The following NUBPL variants were observed in gnomAD, a reference collection of about 807,000 sequenced individuals.
The protein encoded by NUBPL is NUBP iron-sulfur cluster assembly factor, mitochondrial, also known as iron-sulfur cluster transfer protein NUBPL.
A neutral mutation model predicts 45.7 loss-of-function variants in NUBPL; 31 were observed. That is an observed-to-expected ratio of 0.68 (90% CI 0.51 to 0.92). The LOEUF is 0.92. Ranked by LOEUF, NUBPL falls within the 40% of genes least tolerant of loss-of-function variation. NUBPL has a pLI of 0.00. For synonymous variants in NUBPL, 144 were observed against 140.9 expected, an observed-to-expected ratio of 1.02 and a Z score of -0.15; for missense variants, 401 against 398.7, an observed-to-expected ratio of 1.01 and a Z score of -0.05.
At position 31,860,302 on chromosome 14, in the gene NUBPL, C is replaced by CAAAAAAAAAA. The variant is rs34847511; in HGVS notation, c.*1138_*1147dup. The CAAAAAAAAAA allele has an allele frequency of 1.3e-5, 1 of 75,498 alleles. No homozygotes were observed. Among genetic ancestry groups the CAAAAAAAAAA allele is most frequent in the Non-Finnish European group, 2.4e-5 (1 of 40,896 alleles). The allele number at this position is 75,498 out of a possible 1,614,324, so 4.7% of individuals were successfully genotyped here. The stretch of plus-strand genomic sequence containing the variant: ...TGGTCAATGGAGTGCGACTCCATCT[C>CAAAAAAAAAA]AAAAAAAAAAAAAAAAAAAAAAAAA... On this transcript the variant is annotated 3_prime_UTR_variant, in exon 11 of 11. Transcript: ENST00000281081.
intron 4 of NUBPL, among the ~76,000 whole-genome samples, chr14:31,601,388 C>G (rs1180868378): frequency 2.6e-5 from 4 of 152,166 alleles, no homozygotes; most frequent in African/African-American, 9.7e-5. Context: ...TACCCATGAG[C>G]ACGGAATGTT....
chr14:31,590,868 CTTTTA>C (rs1040351976), intron 3 of NUBPL, among the ~76,000 whole-genome samples: 1 of 152,022 alleles, frequency 6.6e-6, no homozygotes, highest in African/African-American at 2.4e-5. Flanking sequence ...GCATTAAAAT[CTTTTA>C]TTTTATTTTT....
intron 7 of NUBPL, among the ~76,000 whole-genome samples, chr14:31,811,947 A>G (rs1478416772): frequency 6.6e-6 from 1 of 152,212 alleles, no homozygotes; most frequent in Non-Finnish European, 1.5e-5. Flanking sequence ...TTTCACCAGC[A>G]GAGGCTGCAG....
At chr14:31,617,485 A>AGG (rs1255960788) in intron 4 of NUBPL, among the ~76,000 whole-genome samples, 1 of 152,186 alleles carries the variant, frequency 6.6e-6, no homozygotes, top group East Asian at 1.9e-4. Context: ...TTTAGCAGGA[A>AGG]GGGGTGTTGA....
At chr14:31,649,934 A>T (rs1595435336) in intron 4 of NUBPL, among the ~76,000 whole-genome samples, 1 of 152,090 alleles carries the variant, frequency 6.6e-6, no homozygotes, top group Non-Finnish European at 1.5e-5. Context: ...ATCTCCGCTC[A>T]CTGCAACCTC....
chr14:31,853,669 G>A (rs2040574745), intron 10 of NUBPL, among the ~76,000 whole-genome samples: 1 of 152,186 alleles, frequency 6.6e-6, no homozygotes, highest in South Asian at 2.1e-4. Flanking sequence ...TGTTGGAAGA[G>A]CTGTTAGTAC....
At chr14:31,632,083 T>A (rs942934678) in intron 4 of NUBPL, among the ~76,000 whole-genome samples, 1 of 152,176 alleles carries the variant, frequency 6.6e-6, no homozygotes, top group Non-Finnish European at 1.5e-5. Flanking sequence ...TCAATCTCAT[T>A]TTGACGGTTG....
At chr14:31,679,678 A>C (rs2036783992) in intron 6 of NUBPL, among the ~76,000 whole-genome samples, 1 of 152,184 alleles carries the variant, frequency 6.6e-6, no homozygotes, top group Non-Finnish European at 1.5e-5. Flanking sequence ...TAGAAGGCTT[A>C]AAATTAGGAA....
intron 6 of NUBPL, among the ~76,000 whole-genome samples, chr14:31,700,831 C>G (rs970992531): frequency 1.1e-4 from 16 of 152,196 alleles, no homozygotes; most frequent in South Asian, 4.1e-4. Flanking sequence ...CCCCCTCCCC[C>G]CCACCACCGT....
chr14:31,808,030 G>C (rs2039724588), intron 7 of NUBPL, among the ~76,000 whole-genome samples: 1 of 152,152 alleles, frequency 6.6e-6, no homozygotes, highest in South Asian at 2.1e-4. Flanking sequence ...CTGTATCCTT[G>C]TACTACAGTT....
intron 6 of NUBPL, among the ~76,000 whole-genome samples, chr14:31,749,502 A>G (rs1313078464): frequency 1.3e-5 from 2 of 151,928 alleles, no homozygotes; most frequent in Non-Finnish European, 2.9e-5. Context: ...TTTTGTTTTC[A>G]CAGTTTAGAT....
At chr14:31,669,005 T>A (rs1408619207) in intron 4 of NUBPL, among the ~76,000 whole-genome samples, 2 of 152,152 alleles carry the variant, frequency 1.3e-5, no homozygotes, top group Non-Finnish European at 2.9e-5. Context: ...CCCTGCTCCT[T>A]ATTTATTAAA....
chr14:31,693,396 T>G (rs1250296024), intron 6 of NUBPL, among the ~76,000 whole-genome samples: 1 of 152,220 alleles, frequency 6.6e-6, no homozygotes, highest in Non-Finnish European at 1.5e-5. Context: ...CCATTTTTCT[T>G]CCTTTGACAT....
At chr14:31,574,997 A>G (rs1176295774) in intron 3 of NUBPL, among the ~76,000 whole-genome samples, 1 of 152,218 alleles carries the variant, frequency 6.6e-6, no homozygotes, top group East Asian at 1.9e-4. Context: ...AAGCAGTTTT[A>G]TCTTCAAAGA....
At chr14:31,765,488 C>T (rs1330849834) in intron 6 of NUBPL, among the ~76,000 whole-genome samples, 2 of 152,184 alleles carry the variant, frequency 1.3e-5, no homozygotes, top group East Asian at 3.9e-4. Context: ...AGGCTTGACT[C>T]TGCCTTTTAG....
chr14:31,634,621 G>A (rs1009317709), intron 4 of NUBPL, among the ~76,000 whole-genome samples: 9 of 151,982 alleles, frequency 5.9e-5, no homozygotes, highest in Non-Finnish European at 5.9e-5. Flanking sequence ...GGATGGCTGG[G>A]TCAAATGGTA....
At chr14:31,821,676 A>G (rs530195321) in intron 7 of NUBPL, among the ~76,000 whole-genome samples, 9 of 152,342 alleles carry the variant, frequency 5.9e-5, no homozygotes, top group Admixed American at 1.3e-4. Context: ...GAGCAGTCCT[A>G]TTGCTGGGTA....
rs377641673 is a variant in NUBPL, at chr14:31,754,686, C to CA, written c.514-33084dup. Among the ~76,000 whole-genome samples the CA allele has an allele frequency of 5.5e-4, 73 of 133,460 alleles. 1 individual carries two copies. The highest frequency in any genetic ancestry group is 1.6e-3 in the African/African-American group (56 of 36,120). The allele number at this position is 133,460 out of a possible 152,430, so 87.6% of individuals were successfully genotyped here. A position where few individuals can be genotyped will look rare whatever the true frequency, so the allele number is the denominator to read the frequency against. ...GCAAGCATATTAGGGGCTGGCTAAG[C>CA]AAAAAAAAAATTTTTTTTATTATTA... On this transcript the variant is annotated intron_variant, in intron 6 of 10. Transcript: ENST00000281081.
intron 10 of NUBPL, 126 bp from the exon 11 acceptor site, chr14:31,858,992 T>C: frequency 1.3e-6 from 1 of 764,678 alleles, no homozygotes; most frequent in Non-Finnish European, 2.3e-6. Flanking sequence ...TTCTCAATAC[T>C]GAATTTCCTC....
Sources: allele counts gnomAD v4.1 joint callset (sites outside exome capture counted in the v4.1 genomes callset), GRCh38; gene constraint gnomAD v4.1.1; transcripts MANE v1.5; gene names NCBI Gene and HGNC (gene_info 2026-07-23, HGNC 2026-07-21).